The following KCNH5 variants were observed in gnomAD, a reference collection of about 807,000 sequenced individuals.
KCNH5 encodes the protein voltage-gated delayed rectifier potassium channel KCNH5.
KCNH5 carries 46 observed loss-of-function variants against 96.1 expected under a neutral mutation model. The observed-to-expected ratio is 0.48, with a 90% CI of 0.38 to 0.61. The LOEUF (loss-of-function observed/expected upper bound fraction) is 0.61. Ranked by LOEUF, KCNH5 falls within the 20% of genes least tolerant of loss-of-function variation. The pLI is 0.00. For synonymous variants in KCNH5, 439 were observed against 449.8 expected, an observed-to-expected ratio of 0.98 and a Z score of 0.30; for missense variants, 907 against 1,225.8, an observed-to-expected ratio of 0.74 and a Z score of 3.88.
chr14:62,971,252 ATAAT>A (rs1454407811), intron 6 of KCNH5, among the ~76,000 whole-genome samples: 3 of 152,166 alleles, frequency 2.0e-5, no homozygotes, highest in Non-Finnish European at 4.4e-5. Context: ...ATAAAAAACC[ATAAT>A]GCCATTTACT....
intron 10 of KCNH5, among the ~76,000 whole-genome samples, chr14:62,778,343 C>CAA (rs5809172): frequency 4.6e-5 from 7 of 151,796 alleles, no homozygotes; most frequent in South Asian, 2.1e-4. Flanking sequence ...TGCATTTGGG[C>CAA]AAAAAAAATT....
At chr14:62,769,209 C>T (rs1050659887) in intron 10 of KCNH5, among the ~76,000 whole-genome samples, 5 of 152,234 alleles carry the variant, frequency 3.3e-5, no homozygotes, top group African/African-American at 4.8e-5. Context: ...AACGCCATCA[C>T]GCCTGTGGCG....
At chr14:62,881,200 C>G (rs780068378) in intron 7 of KCNH5, among the ~76,000 whole-genome samples, 4 of 152,130 alleles carry the variant, frequency 2.6e-5, no homozygotes, top group Admixed American at 6.5e-5. Context: ...CAGTGCTTAG[C>G]CCCCAAGAGC....
Position 62,708,407 on chromosome 14 carries a change from G to A in KCNH5, c.2068C>T (p.Leu690Phe), listed in dbSNP as rs1244648748. The change falls in exon 11 of 11, where the codon CTC (leucine) becomes TTC (phenylalanine). Residue 690 changes from leucine to phenylalanine, a missense_variant. Physicochemically the swap from Leu to Phe is conservative, Grantham distance 22. This residue lies in a region of KCNH5 where 362 missense variants were observed against 394.4 expected (regional missense o/e 0.92). Transcript: ENST00000322893. ...AGGGTCACCTCATTCTTCTGCCGGA[G>A]GCGCTCCTCCTCCTCTTTCTTCACA... ...SDVKKEEEER[L>F]RQKNEVTLSI... 1.2e-6 allele frequency: 2 copies of A among 1,610,124 alleles called. No individual in the cohort carries two copies. The highest frequency in any genetic ancestry group is 1.7e-6 in the Non-Finnish European group (2 of 1,179,396).
At chr14:62,812,352 T>C (rs1340223983) in intron 8 of KCNH5, among the ~76,000 whole-genome samples, 1 of 152,164 alleles carries the variant, frequency 6.6e-6, no homozygotes, top group Non-Finnish European at 1.5e-5. Flanking sequence ...CTCCAACAAA[T>C]GTATCACATA....
At chr14:62,861,477 G>A (rs1468661328) in intron 7 of KCNH5, among the ~76,000 whole-genome samples, 1 of 151,852 alleles carries the variant, frequency 6.6e-6, no homozygotes, top group African/African-American at 2.4e-5. Flanking sequence ...TTCCCAGGCT[G>A]GAAAACTGCT....
At chr14:63,002,114 C>T (rs1047729424) in intron 3 of KCNH5, among the ~76,000 whole-genome samples, 2 of 152,078 alleles carry the variant, frequency 1.3e-5, no homozygotes, top group South Asian at 2.1e-4. Flanking sequence ...GAAAAATAGA[C>T]GTGTCCCCAG....
intron 10 of KCNH5, among the ~76,000 whole-genome samples, chr14:62,764,302 G>A (rs2139959119): frequency 6.6e-6 from 1 of 152,178 alleles, no homozygotes; most frequent in Admixed American, 6.5e-5. Context: ...TACAGAAAAG[G>A]CTTTTGGTAA....
chr14:62,777,428 T>C (rs1886120823), intron 10 of KCNH5, among the ~76,000 whole-genome samples: 1 of 152,234 alleles, frequency 6.6e-6, no homozygotes, highest in Admixed American at 6.5e-5. Flanking sequence ...ATATTATATG[T>C]AAACTATGTT....
At chr14:62,948,409 A>G (rs1427786147) in intron 7 of KCNH5, among the ~76,000 whole-genome samples, 1 of 152,144 alleles carries the variant, frequency 6.6e-6, no homozygotes, top group Non-Finnish European at 1.5e-5. Context: ...GAAAATCTAG[A>G]AGAAATGGAT....
chr14:62,834,499 T>G (rs930450399), intron 8 of KCNH5, among the ~76,000 whole-genome samples: 1 of 152,006 alleles, frequency 6.6e-6, no homozygotes, highest in Non-Finnish European at 1.5e-5. Context: ...TAAGTGAACT[T>G]CTGTATCATA....
chr14:62,995,668 C>T (rs928376174), intron 4 of KCNH5, among the ~76,000 whole-genome samples: 2 of 152,074 alleles, frequency 1.3e-5, no homozygotes, highest in Non-Finnish European at 1.5e-5. Context: ...ACTCACTATT[C>T]CACTCTCTTA....
chr14:62,876,524 A>C (rs1401789345), intron 7 of KCNH5, among the ~76,000 whole-genome samples: 1 of 152,224 alleles, frequency 6.6e-6, no homozygotes, highest in Non-Finnish European at 1.5e-5. Context: ...AAAAAGAACA[A>C]ACAAAAATCC....
intron 1 of KCNH5, among the ~76,000 whole-genome samples, chr14:63,030,602 T>C (rs983141148): frequency 6.6e-6 from 1 of 152,202 alleles, no homozygotes; most frequent in Non-Finnish European, 1.5e-5. Flanking sequence ...TAGGAGTTAT[T>C]CATCCCCGTC....
At chr14:62,868,865 C>G (rs1888192225) in intron 7 of KCNH5, among the ~76,000 whole-genome samples, 1 of 152,196 alleles carries the variant, frequency 6.6e-6, no homozygotes, top group Admixed American at 6.5e-5. Flanking sequence ...AGGACATGAA[C>G]TCATCCTTTT....
rs183950449 is a variant in KCNH5, at chr14:62,744,324, T to A, written c.2019+35404A>T. Among the ~76,000 whole-genome samples, 6 of 152,324 alleles carry A rather than the reference T, an allele frequency of 3.9e-5. No homozygotes were observed. In the East Asian group the frequency reaches 1.2e-3, roughly 29 times the overall value. Reference sequence around the variant, plus strand: ...CATTTATAAAATGGAGACAATGTTATATTCTCTGAAGGACATGTAAGATAC... The same window carrying A: ...CATTTATAAAATGGAGACAATGTTAAATTCTCTGAAGGACATGTAAGATAC... On this transcript the variant is annotated intron_variant, in intron 10 of 10. Coordinates refer to ENST00000322893, the MANE Select transcript of KCNH5 (RefSeq NM_139318.5).
intron 7 of KCNH5, among the ~76,000 whole-genome samples, chr14:62,930,758 G>C (rs185520354): frequency 9.1e-4 from 139 of 152,240 alleles, no homozygotes; most frequent in Admixed American, 2.0e-3. Flanking sequence ...TTAGTTCACA[G>C]TACTGAATGA....
chr14:63,011,178 T>C (rs537828656), intron 2 of KCNH5, among the ~76,000 whole-genome samples: 7 of 152,016 alleles, frequency 4.6e-5, no homozygotes, highest in South Asian at 4.2e-4. Context: ...GGAGGAAAAA[T>C]TAAAAACAAG....
chr14:62,935,289 G>A (rs1306193245), intron 7 of KCNH5, among the ~76,000 whole-genome samples: 4 of 152,290 alleles, frequency 2.6e-5, no homozygotes, highest in African/African-American at 9.6e-5. Context: ...AGGATTTACT[G>A]AGCACCTGCT....
Sources: allele counts gnomAD v4.1 joint callset (sites outside exome capture counted in the v4.1 genomes callset), GRCh38; gene constraint gnomAD v4.1.1; regional missense constraint gnomAD v4.1.1; transcripts MANE v1.5; gene names NCBI Gene and HGNC (gene_info 2026-07-23, HGNC 2026-07-21).